The following MYO16 variants were observed in gnomAD, a reference collection of about 807,000 sequenced individuals.
MYO16 encodes the protein unconventional myosin-XVI.
Under a neutral mutation model 205.3 loss-of-function variants are expected in MYO16, and 94 were observed. That is an observed-to-expected ratio of 0.46 (90% CI 0.39 to 0.54). The LOEUF is 0.54. MYO16 is among the 20% of genes least tolerant of loss of function. The probability of loss-of-function intolerance (pLI) is 0.00; values close to 1 mark genes in which losing one functional copy is unlikely to be tolerated. For missense variants in MYO16, 2,315 were observed against 2,387.5 expected (o/e 0.97, Z 0.63); for synonymous variants, 988 against 954.0 (o/e 1.04, Z -0.66).
At chr13:109,051,694 T>C (rs1443402180) in intron 24 of MYO16, among the ~76,000 whole-genome samples, 2 of 152,222 alleles carry the variant, frequency 1.3e-5, no homozygotes, top group African/African-American at 4.8e-5. Flanking sequence ...TATTTGATTT[T>C]TATAACTTAA....
the MYO16 span, among the ~76,000 whole-genome samples, chr13:108,534,129 T>G: frequency 6.6e-6 from 1 of 152,240 alleles, no homozygotes; most frequent in South Asian, 2.1e-4. Flanking sequence ...GGTTTAACAT[T>G]TTGTTTATCC....
At chr13:108,681,331 C>T (rs756370217) in intron 2 of MYO16, among the ~76,000 whole-genome samples, 12 of 152,238 alleles carry the variant, frequency 7.9e-5, no homozygotes, top group South Asian at 4.1e-4. Flanking sequence ...CTTTGCTCTT[C>T]ACCCTGCATG....
At chr13:108,928,385 A>C (rs7986780) in intron 16 of MYO16, among the ~76,000 whole-genome samples, 22,714 of 152,278 alleles carry the variant, frequency 0.15, 1,972 homozygotes, top group African/African-American at 0.24. Flanking sequence ...GATCTACAGC[A>C]ATGTTATATA....
At chr13:109,116,092 G>T (rs1875666801) in intron 28 of MYO16, among the ~76,000 whole-genome samples, 1 of 152,056 alleles carries the variant, frequency 6.6e-6, no homozygotes, top group Non-Finnish European at 1.5e-5. Flanking sequence ...AAATAAAATG[G>T]TCCATTGGAT....
intron 34 of MYO16, among the ~76,000 whole-genome samples, chr13:109,195,573 T>G (rs1196097090): frequency 6.6e-6 from 1 of 152,174 alleles, no homozygotes; most frequent in Non-Finnish European, 1.5e-5. Context: ...TTCAACATCT[T>G]GTTAGCTCCA....
At chr13:108,508,811 C>G in the MYO16 span, among the ~76,000 whole-genome samples, 8 of 152,158 alleles carry the variant, frequency 5.3e-5, no homozygotes, top group African/African-American at 1.7e-4. Context: ...TTCTGAAGTT[C>G]TCGTAAAGGT....
chr13:109,203,744 T>C (rs1415433348), intron 34 of MYO16, among the ~76,000 whole-genome samples: 1 of 152,226 alleles, frequency 6.6e-6, no homozygotes, highest in East Asian at 1.9e-4. Context: ...GGTCACATGC[T>C]AGAGGCCATC....
chr13:108,972,559 A>G (rs1214712030), intron 20 of MYO16, among the ~76,000 whole-genome samples: 1 of 149,814 alleles, frequency 6.7e-6, no homozygotes, highest in African/African-American at 2.5e-5. Flanking sequence ...AGAGTAGCAG[A>G]TAAGGGAGAT....
intron 21 of MYO16, among the ~76,000 whole-genome samples, chr13:108,994,663 T>G (rs575702199): frequency 2.0e-5 from 3 of 152,292 alleles, no homozygotes; most frequent in Admixed American, 2.0e-4. Context: ...TTATAATATG[T>G]TTTTTATTCT....
At chr13:108,903,697 C>G (rs1418152380) in intron 15 of MYO16, among the ~76,000 whole-genome samples, 1 of 152,102 alleles carries the variant, frequency 6.6e-6, no homozygotes. Context: ...GTTAGTGATA[C>G]TTTTAAATAA....
rs1471264968 is a variant in MYO16 at position 108,840,241 on chromosome 13, C to A, written c.1098-4102C>A. 2.0e-5 allele frequency among the ~76,000 whole-genome samples: 3 copies of A among 152,128 alleles called. No individual in the cohort carries two copies. The South Asian group carries it at 6.2e-4, about 32-fold the overall frequency. On this transcript the variant is annotated intron_variant, in intron 9 of 34. Coordinates refer to ENST00000457511, the MANE Select transcript of MYO16 (RefSeq NM_001198950.3). ...AAAACATCATTATCCAGAGTTCAAA[C>A]TAAGGAAAACTCACCTTGCATTTCT... is the stretch of plus-strand genomic sequence containing the variant.
the MYO16 span, among the ~76,000 whole-genome samples, chr13:108,508,773 C>T: frequency 4.5e-4 from 69 of 152,276 alleles, no homozygotes; most frequent in Non-Finnish European, 6.6e-4. Flanking sequence ...GTTGCATTCC[C>T]TGAGGGTACT....
intron 5 of MYO16, among the ~76,000 whole-genome samples, chr13:108,789,291 T>C (rs1886546997): frequency 6.6e-6 from 1 of 152,224 alleles, no homozygotes; most frequent in Non-Finnish European, 1.5e-5. Context: ...CCTTCTAATA[T>C]GTCCACCCAG....
At chr13:108,620,992 A>G (rs1456008361) in intron 1 of MYO16, among the ~76,000 whole-genome samples, 2 of 152,076 alleles carry the variant, frequency 1.3e-5, no homozygotes, top group Non-Finnish European at 2.9e-5. Context: ...GCCAGGTACT[A>G]TCCTTTAGCC....
At chr13:108,941,646 C>T (rs571852558) in intron 16 of MYO16, among the ~76,000 whole-genome samples, 1 of 137,054 alleles carries the variant, frequency 7.3e-6, no homozygotes, top group African/African-American at 2.8e-5. Flanking sequence ...CACTGCACTC[C>T]AGCCTAGGCG....
At chr13:108,785,028 T>C (rs933898835) in intron 4 of MYO16, among the ~76,000 whole-genome samples, 9 of 152,160 alleles carry the variant, frequency 5.9e-5, no homozygotes, top group Admixed American at 3.9e-4. Context: ...AAACATGGAA[T>C]GGCCATATTT....
In MYO16 at chr13:109,125,168, C is replaced by T. The variant is rs1460833547; in HGVS notation, c.3592C>T (p.Gln1198Ter). The change falls in exon 30 of 35, where the codon CAA (glutamine) becomes TAA (stop). Residue 1198 changes from glutamine to a stop codon, truncating the protein, a stop_gained. Transcript: ENST00000457511. LOFTEE classifies it high-confidence loss of function. This position sits in a 1 kb window ranked among gnomAD's most constrained non-coding sequence, Gnocchi z 4.0. ...GCTTCAGAGAATAAGCATCAGACAA[C>T]AAGAGGTGACTTCTATCAATAGCTT... is the stretch of plus-strand genomic sequence containing the variant. ...HLLQRISIRQQEVTSINSFLQ... is the reference protein window; with the variant it reads ...HLLQRISIRQ The T allele has an allele frequency of 6.2e-7, 1 of 1,613,972 alleles. No individual in the cohort carries two copies. The highest frequency in any genetic ancestry group is 2.2e-5 in the East Asian group (1 of 44,880).
chr13:108,871,076 T>C (rs1879029249), intron 12 of MYO16, among the ~76,000 whole-genome samples: 1 of 152,188 alleles, frequency 6.6e-6, no homozygotes, highest in African/African-American at 2.4e-5. Flanking sequence ...GTCTGGATAA[T>C]TGCTTGGCCA....
intron 33 of MYO16, among the ~76,000 whole-genome samples, chr13:109,171,156 A>G (rs1878907982): frequency 6.6e-6 from 1 of 152,228 alleles, no homozygotes; most frequent in Non-Finnish European, 1.5e-5. Context: ...GCTGATTGAA[A>G]CAATGTTGTT....
Sources: allele counts gnomAD v4.1 joint callset (sites outside exome capture counted in the v4.1 genomes callset), GRCh38; gene constraint gnomAD v4.1.1; non-coding constraint Gnocchi (gnomAD v3.1); transcripts MANE v1.5; gene names NCBI Gene and HGNC (gene_info 2026-07-23, HGNC 2026-07-21).